Variants in SBF2 observed in about 807,000 individuals in gnomAD.
SBF2 encodes the protein SET binding factor 2.
Under a neutral mutation model 225.2 loss-of-function variants are expected in SBF2, and 112 were observed. The ratio of observed to expected loss-of-function variants is 0.50; its 90% CI spans 0.43 to 0.58. The LOEUF is 0.58. Among genes scored for constraint, SBF2 ranks in the 20% least tolerant of loss-of-function variants. SBF2 has a pLI of 0.00. For synonymous variants in SBF2, 763 were observed against 773.3 expected (o/e 0.99, Z 0.22); for missense variants, 1,996 against 2,206.2 (o/e 0.90, Z 1.91).
chr11:9,924,541 C>T (rs1863880971), intron 16 of SBF2, among the ~76,000 whole-genome samples: 1 of 152,090 alleles, frequency 6.6e-6, no homozygotes, highest in African/African-American at 2.4e-5. Context: ...AAGCAATTCT[C>T]CTGCCTCAGC....
intron 16 of SBF2, among the ~76,000 whole-genome samples, chr11:9,917,258 CTT>C (rs1208059797): frequency 1.3e-5 from 2 of 151,646 alleles, no homozygotes; most frequent in Admixed American, 6.6e-5. Context: ...TATAAAGTCA[CTT>C]TATTCTTGAA....
At chr11:10,251,669 A>G (rs1194294077) in intron 1 of SBF2, among the ~76,000 whole-genome samples, 1 of 152,186 alleles carries the variant, frequency 6.6e-6, no homozygotes, top group Non-Finnish European at 1.5e-5. Flanking sequence ...TATCCTCCCA[A>G]TAGTCATGAT....
chr11:9,989,826 G>A (rs887484159), intron 12 of SBF2, among the ~76,000 whole-genome samples: 1 of 152,126 alleles, frequency 6.6e-6, no homozygotes, highest in Non-Finnish European at 1.5e-5. Context: ...ATTTCTTCTA[G>A]GGAAAAGTCA....
At chr11:9,961,823 GAT>G (rs1866587612) in intron 16 of SBF2, 132 bp downstream of exon 16, 2 of 665,780 alleles carry the variant, frequency 3.0e-6, no homozygotes, top group Middle Eastern at 7.4e-4. Context: ...TGACAGAAAT[GAT>G]AGAGATACTG....
At chr11:10,142,114 T>C (rs749661751) in intron 2 of SBF2, among the ~76,000 whole-genome samples, 1 of 152,124 alleles carries the variant, frequency 6.6e-6, no homozygotes, top group African/African-American at 2.4e-5. Context: ...ACCTGTGTCA[T>C]AGATATGAAC....
At chr11:10,106,643 A>C (rs1389146519) in intron 2 of SBF2, among the ~76,000 whole-genome samples, 8 of 151,468 alleles carry the variant, frequency 5.3e-5, no homozygotes, top group Non-Finnish European at 1.5e-5. Context: ...AAAAAAAAAA[A>C]AAAAAACCCA....
At chr11:9,880,835 G>C (rs1243849085) in intron 17 of SBF2, among the ~76,000 whole-genome samples, 1 of 152,126 alleles carries the variant, frequency 6.6e-6, no homozygotes, top group Non-Finnish European at 1.5e-5. Context: ...ATCCTAGAAG[G>C]GGGTGTCTAG....
chr11:9,983,625 C>T (rs867062550), intron 13 of SBF2, among the ~76,000 whole-genome samples: 12 of 152,142 alleles, frequency 7.9e-5, no homozygotes, highest in Non-Finnish European at 1.3e-4. Context: ...GGCCAACCAG[C>T]GCAAAAACAG....
intron 13 of SBF2, among the ~76,000 whole-genome samples, chr11:9,977,225 T>G (rs1379953160): frequency 6.6e-6 from 1 of 152,134 alleles, no homozygotes; most frequent in African/African-American, 2.4e-5. Context: ...GGCTTACCCC[T>G]GTAATCCCAA....
chr11:9,833,848 G>A (rs970435722), intron 26 of SBF2, among the ~76,000 whole-genome samples: 14 of 144,786 alleles, frequency 9.7e-5, no homozygotes, highest in Admixed American at 2.9e-4. Context: ...TCAGCTCACC[G>A]CAACCTCTGC....
intron 17 of SBF2, among the ~76,000 whole-genome samples, chr11:9,873,189 G>C (rs1176252709): frequency 1.8e-5 from 2 of 108,324 alleles, no homozygotes; most frequent in Admixed American, 1.4e-4. Context: ...TTGGGCGACA[G>C]AGTGAGACTC....
At chr11:9,851,400 T>C (rs1410746420) in intron 21 of SBF2, among the ~76,000 whole-genome samples, 7 of 152,152 alleles carry the variant, frequency 4.6e-5, no homozygotes, top group South Asian at 2.1e-4. Flanking sequence ...TTATTACTTT[T>C]GAAATTATTT....
Position 10,185,447 on chromosome 11 carries a change from T to C in SBF2, c.141+8455A>G, listed in dbSNP as rs530709189. On this transcript the variant is annotated intron_variant, in intron 2 of 39. Coordinates refer to ENST00000256190, the MANE Select transcript of SBF2 (RefSeq NM_030962.4). ...TAACATTTGTTATTTTCTGGGATTT[T>C]TGTTTTGTTTTGGGGCTTTTTTTAG... 3.9e-5 allele frequency among the ~76,000 whole-genome samples: 6 copies of C among 152,266 alleles called. No homozygotes were observed. In the South Asian group the frequency reaches 1.2e-3, roughly 32 times the overall value.
At chr11:10,048,018 C>A (rs1590834280) in intron 2 of SBF2, among the ~76,000 whole-genome samples, 2 of 152,078 alleles carry the variant, frequency 1.3e-5, no homozygotes, top group East Asian at 3.8e-4. Context: ...CTCTATATTT[C>A]CCTAGAACTT....
rs768218670 is a variant in SBF2 at position 10,120,968 on chromosome 11, G to A, written c.141+72934C>T. Among the ~76,000 whole-genome samples the A allele has an allele frequency of 1.0e-3, 158 of 151,898 alleles. 2 individuals are homozygous for A. The highest frequency in any genetic ancestry group is 1.0e-3 in the Non-Finnish European group (71 of 67,952). ...TTTGGTAGAGACGAGGTTCCACCAC[G>A]TTGGCAAGGCTGGTCTCGAACTCCT... is the stretch of plus-strand genomic sequence containing the variant. On this transcript the variant is annotated intron_variant, in intron 2 of 39. Coordinates refer to ENST00000256190, the MANE Select transcript of SBF2 (RefSeq NM_030962.4).
intron 2 of SBF2, among the ~76,000 whole-genome samples, chr11:10,057,420 T>G (rs1327753678): frequency 1.3e-5 from 2 of 152,204 alleles, no homozygotes; most frequent in African/African-American, 2.4e-5. Flanking sequence ...AAGTGGCAGC[T>G]GACCCAAGGA....
At chr11:9,781,176 C>T (rs1475842727) in intron 39 of SBF2, among the ~76,000 whole-genome samples, 2 of 152,238 alleles carry the variant, frequency 1.3e-5, no homozygotes, top group Non-Finnish European at 2.9e-5. Flanking sequence ...ACGAAGACCA[C>T]TGAATACTAG....
At chr11:10,277,132 C>CAAAAAAA (rs11310738) in intron 1 of SBF2, among the ~76,000 whole-genome samples, 1 of 73,524 alleles carries the variant, frequency 1.4e-5, no homozygotes. Flanking sequence ...GACCCCATCT[C>CAAAAAAA]AAAAAAAAAA....
At chr11:10,038,473 G>A (rs547734412) in intron 3 of SBF2, among the ~76,000 whole-genome samples, 2 of 151,968 alleles carry the variant, frequency 1.3e-5, no homozygotes, top group East Asian at 1.9e-4. Flanking sequence ...TACTCTAGGT[G>A]TTAGCTCTTA....
Sources: gnomAD v4.1 joint callset for allele counts (sites outside exome capture counted in the v4.1 genomes callset) on GRCh38, gnomAD v4.1.1 for gene constraint, MANE v1.5 for transcripts, NCBI Gene and HGNC (gene_info 2026-07-23, HGNC 2026-07-21) for gene names.